The following KIFC3 variants were observed in gnomAD, a reference collection of about 807,000 sequenced individuals.
The protein encoded by KIFC3 is kinesin family member C3.
Under a neutral mutation model 101.8 loss-of-function variants are expected in KIFC3, and 60 were observed. The ratio of observed to expected loss-of-function variants is 0.59; its 90% CI spans 0.48 to 0.73. The LOEUF is 0.73. KIFC3 is among the 30% of genes least tolerant of loss of function. The pLI, the probability that KIFC3 is intolerant of heterozygous loss-of-function variation, is 0.00. For synonymous variants in KIFC3, 476 were observed against 482.7 expected, an observed-to-expected ratio of 0.99 and a Z score of 0.18; for missense variants, 966 against 1,137.1, an observed-to-expected ratio of 0.85 and a Z score of 2.16.
intron 3 of KIFC3, among the ~76,000 whole-genome samples, chr16:57,783,216 T>G (rs1490446657): frequency 6.6e-6 from 1 of 152,254 alleles, no homozygotes; most frequent in Admixed American, 6.5e-5. Flanking sequence ...ACGATTTCAC[T>G]TCTATGAAAT....
intron 1 of KIFC3, among the ~76,000 whole-genome samples, chr16:57,862,131 T>C (rs1195602587): frequency 1.3e-5 from 2 of 151,786 alleles, no homozygotes; most frequent in Non-Finnish European, 2.9e-5. Context: ...TCCTTATTAT[T>C]ATTATTATTT....
In KIFC3 at chr16:57,759,104, G is replaced by A; in HGVS notation, c.*24+21C>T. 5 of 1,550,408 alleles carry A rather than the reference G, an allele frequency of 3.2e-6. No individual in the cohort carries two copies. In the African/African-American group the frequency reaches 4.1e-5, roughly 13 times the overall value. On this transcript the variant is annotated intron_variant, in intron 19 of 19. Coordinates refer to ENST00000445690, the MANE Select transcript of KIFC3 (RefSeq NM_001130100.2). The stretch of plus-strand genomic sequence containing the variant: ...GCGGGCAGGCAGGCGGGCAGCCCTG[G>A]GCCACAGGCCCCACACTCACCTAGA...
Position 57,788,672 on chromosome 16 carries a change from C to G in KIFC3, c.315+6327G>C, listed in dbSNP as rs1555618899. The G allele has an allele frequency of 3.9e-6, 5 of 1,289,516 alleles. No homozygotes were observed. The African/African-American group carries it at 7.6e-5, about 20-fold the overall frequency. The allele number at this position is 1,289,516 out of a possible 1,614,324, so 79.9% of individuals were successfully genotyped here. On this transcript the variant is annotated intron_variant, in intron 3 of 19. Coordinates refer to ENST00000445690, the MANE Select transcript of KIFC3 (RefSeq NM_001130100.2). ...TCTTCCAAAGCTTCTCTTCTTTCGTCCCCTGACTCTGGCTCTTGCACCCCT... is the reference window on the plus strand; with the variant it reads ...TCTTCCAAAGCTTCTCTTCTTTCGTGCCCTGACTCTGGCTCTTGCACCCCT...
chr16:57,764,271 C>T (rs1555600689), intron 11 of KIFC3, 24 bp from the exon 12 acceptor site: 2 of 511,272 alleles, frequency 3.9e-6, no homozygotes, highest in Admixed American at 2.3e-5. Flanking sequence ...GGGAGGGAGG[C>T]TGGTGGGGGG....
At chr16:57,775,688 G>C in intron 3 of KIFC3, 1 of 985,518 alleles carries the variant, frequency 1.0e-6, no homozygotes, top group Non-Finnish European at 1.2e-6. Flanking sequence ...GGAGGGTCCC[G>C]AGTGCCACCC....
chr16:57,775,659 T>C, intron 3 of KIFC3: 20 of 985,564 alleles, frequency 2.0e-5, no homozygotes, highest in Non-Finnish European at 2.4e-5. Context: ...GGGCCGTCCA[T>C]GTCTCTAAGC....
At chr16:57,793,704 C>G (rs533549153) in intron 3 of KIFC3, among the ~76,000 whole-genome samples, 1 of 151,782 alleles carries the variant, frequency 6.6e-6, no homozygotes, top group African/African-American at 2.4e-5. Context: ...TGATGCACAC[C>G]TGTAATCCCA....
chr16:57,818,419 CA>C (rs1659853876), intron 1 of KIFC3, among the ~76,000 whole-genome samples: 1 of 152,226 alleles, frequency 6.6e-6, no homozygotes, highest in Non-Finnish European at 1.5e-5. Flanking sequence ...GGCTGGAGTA[CA>C]GTGGCACAAT....
chr16:57,797,640 AG>A (rs2054444132), intron 2 of KIFC3: 1 of 1,056,932 alleles, frequency 9.5e-7, no homozygotes, highest in East Asian at 9.1e-5. Context: ...AACGCCGTCC[AG>A]GGGCCAGCCC....
chr16:57,795,282 A>C, intron 2 of KIFC3, 141 bp from the exon 3 acceptor site: 1 of 1,015,830 alleles, frequency 9.8e-7, no homozygotes. Context: ...AGGGGCTCAC[A>C]CACCCAAAAA....
At chr16:57,761,315 C>A in intron 14 of KIFC3, 98 bp downstream of exon 14, 1 of 1,577,982 alleles carries the variant, frequency 6.3e-7, no homozygotes, top group Non-Finnish European at 8.6e-7. Context: ...GCGGACTTGC[C>A]CAAGGGTGCG....
chr16:57,785,782 T>G, intron 3 of KIFC3: 3 of 493,756 alleles, frequency 6.1e-6, no homozygotes, highest in Non-Finnish European at 8.8e-6. Flanking sequence ...GCAGAGGGGG[T>G]GGGCAACCAG....
Position 57,798,078 on chromosome 16 carries a change from T to C in KIFC3, c.166A>G (p.Arg56Gly). 1.3e-6 allele frequency: 2 copies of C among 1,592,640 alleles called. No homozygotes were observed. The highest frequency in any genetic ancestry group is 1.7e-6 in the Non-Finnish European group (2 of 1,169,936). Residue 56 changes from arginine to glycine, a missense_variant, in exon 2 of 20, where the codon AGA (arginine) becomes GGA (glycine). Physicochemically the swap from Arg to Gly is moderately radical, Grantham distance 125. Transcript: ENST00000445690. Reference protein sequence around the residue: ...PFPHTGPGRLRTGRGKDTPVC... With the variant: ...PFPHTGPGRLGTGRGKDTPVC... ...TTTAAAAATGCGGACTCACCAGTTCTCAACCTCCCCGGGCCGGTGTGTGGG... is the reference window on the plus strand; with the variant it reads ...TTTAAAAATGCGGACTCACCAGTTCCCAACCTCCCCGGGCCGGTGTGTGGG...
At chr16:57,773,737 T>C (rs1308246557) in intron 3 of KIFC3, 1 of 152,226 alleles carries the variant, frequency 6.6e-6, no homozygotes. Context: ...GGCCGGACAT[T>C]TGGATTTTGG....
intron 5 of KIFC3, 37 bp downstream of exon 5, chr16:57,771,506 C>G: frequency 6.2e-7 from 1 of 1,609,734 alleles, no homozygotes; most frequent in Non-Finnish European, 8.5e-7. Flanking sequence ...GGGTGGCCCT[C>G]CAGGACCAGC....
At chr16:57,791,811 C>T (rs897172637) in intron 3 of KIFC3, among the ~76,000 whole-genome samples, 6 of 152,188 alleles carry the variant, frequency 3.9e-5, no homozygotes, top group African/African-American at 9.7e-5. Context: ...GAGTAAAGAG[C>T]GGGTCCTCAG....
upstream of KIFC3, chr16:57,802,846 G>T: frequency 2.0e-6 from 2 of 996,016 alleles, no homozygotes; most frequent in Non-Finnish European, 3.0e-6. The surrounding 1 kb of genome is among the most constrained non-coding windows in gnomAD (Gnocchi z 5.0). Context: ...CTTTTGCACA[G>T]CCTCAAACCC....
intron 1 of KIFC3, among the ~76,000 whole-genome samples, chr16:57,820,557 G>T (rs562439065): frequency 6.6e-6 from 1 of 152,238 alleles, no homozygotes; most frequent in East Asian, 1.9e-4. Flanking sequence ...GGCATTATGG[G>T]TGTGAACCAC....
chr16:57,791,015 C>A (rs921303612), intron 3 of KIFC3: 38 of 694,336 alleles, frequency 5.5e-5, no homozygotes, highest in Non-Finnish European at 6.0e-5. Flanking sequence ...GGGTGGATCA[C>A]CTGAGGTTAG....
Sources: allele counts gnomAD v4.1 joint callset (sites outside exome capture counted in the v4.1 genomes callset), GRCh38; gene constraint gnomAD v4.1.1; non-coding constraint Gnocchi (gnomAD v3.1); transcripts MANE v1.5; gene names NCBI Gene and HGNC (gene_info 2026-07-23, HGNC 2026-07-21).